The following COL3A1 variants were observed in gnomAD, a reference collection of about 807,000 sequenced individuals.
COL3A1 encodes collagen type III alpha 1 chain.
A neutral mutation model predicts 200.9 loss-of-function variants in COL3A1; 46 were observed. The ratio of observed to expected loss-of-function variants is 0.23; its 90% confidence interval spans 0.18 to 0.29. The LOEUF (loss-of-function observed/expected upper bound fraction) is 0.29, where lower values mean the gene tolerates loss of function less well. COL3A1 is among the 10% of genes least tolerant of loss of function. The pLI is 1.00. For missense variants in COL3A1, 1,367 were observed against 1,917.6 expected, an observed-to-expected ratio of 0.71 and a Z score of 5.36; for synonymous variants, 650 against 628.0, an observed-to-expected ratio of 1.03 and a Z score of -0.52.
At chr2:188,989,714 C>T (rs1688145893) in intron 8 of COL3A1, among the ~76,000 whole-genome samples, 1 of 152,108 alleles carries the variant, frequency 6.6e-6, no homozygotes, top group Non-Finnish European at 1.5e-5. Flanking sequence ...TATTATTTAA[C>T]TGGAGGAGAA....
intron 28 of COL3A1, 116 bp from the exon 29 acceptor site, chr2:188,998,558 C>T: frequency 3.5e-6 from 4 of 1,138,672 alleles, no homozygotes; most frequent in Middle Eastern, 4.8e-4. Flanking sequence ...AGTATGCCAA[C>T]ATGACAAATG....
rs1688692678 is a variant in COL3A1 at position 189,010,294 on chromosome 2, C to T, written c.3940C>T (p.His1314Tyr). ...SANPLNVPRK[H>Y]WWTDSSAEKK... ...CAATCCTTTGAATGTTCCACGGAAA[C>T]ACTGGTGGACAGATTCTAGTGCTGA... is the stretch of plus-strand genomic sequence containing the variant. Residue 1314 changes from histidine (H) to tyrosine (Y), a missense_variant, in exon 49 of 51, where the codon CAC (histidine) becomes TAC (tyrosine). Transcript: ENST00000304636. The T allele has an allele frequency of 2.5e-6, 4 of 1,614,174 alleles. No individual in the cohort carries two copies. Among genetic ancestry groups the T allele is most frequent in the East Asian group, 2.2e-5 (1 of 44,868 alleles).
rs1576473597 is a variant in COL3A1 at position 189,009,181 on chromosome 2, C to T, written c.3783C>T (p.Asn1261=). The T allele has an allele frequency of 6.2e-7, 1 of 1,614,182 alleles. No individual in the cohort carries two copies. Among genetic ancestry groups the T allele is most frequent in the African/African-American group, 1.3e-5 (1 of 75,050 alleles). The change falls in exon 48 of 51, where the codon AAC becomes AAT. Residue 1261 remains asparagine, a synonymous_variant. Transcript: ENST00000304636. Reference sequence around the variant, plus strand: ...GTTCTCGTAAAAACCCCGCTAGAAACTGCAGAGACCTGAAATTCTGCCATC... The same window carrying T: ...GTTCTCGTAAAAACCCCGCTAGAAATTGCAGAGACCTGAAATTCTGCCATC... The part of the protein sequence containing the change: ...PDGSRKNPAR[N]CRDLKFCHPE...
At chr2:188,980,378 AC>A (rs1687925554) in intron 1 of COL3A1, among the ~76,000 whole-genome samples, 1 of 35,468 alleles carries the variant, frequency 2.8e-5, no homozygotes. Flanking sequence ...AATCTTTTAG[AC>A]AATTCTAAAA....
At position 188,994,167 on chromosome 2, in the gene COL3A1, T is replaced by G; in HGVS notation, c.1195-67T>G. On this transcript the variant is annotated intron_variant, in intron 17 of 50. Coordinates refer to ENST00000304636, the MANE Select transcript of COL3A1 (RefSeq NM_000090.4). The surrounding 1 kb of genome is among the most constrained non-coding windows in gnomAD (Gnocchi z 4.5). The stretch of plus-strand genomic sequence containing the variant: ...TTTGCATGACAATAGATTTGTGATA[T>G]TTAAGTGAGATATTCATAAAAGAAC... 2 of 1,610,854 alleles carry G rather than the reference T, an allele frequency of 1.2e-6. No individual in the cohort carries two copies. Among genetic ancestry groups the G allele is most frequent in the Non-Finnish European group, 1.7e-6 (2 of 1,176,976 alleles).
At position 188,994,529 on chromosome 2, in the gene COL3A1, G is replaced by GTTATACT. The variant is rs1688258466; in HGVS notation, c.1294-8_1294-2dup. On this transcript the variant is annotated splice_polypyrimidine_tract_variant and intron_variant, in intron 18 of 50. Transcript: ENST00000304636. The surrounding 1 kb of genome is among the most constrained non-coding windows in gnomAD (Gnocchi z 4.5). ...CTCCCTGTGTTTCAACCAAGACTTT[G>GTTATACT]TTATACTTTAGGGTGAGCCTGGTAA... 1.9e-6 allele frequency: 3 copies of GTTATACT among 1,613,954 alleles called. No homozygotes were observed. Among genetic ancestry groups the GTTATACT allele is most frequent in the Non-Finnish European group, 2.5e-6 (3 of 1,179,998 alleles).
At chr2:189,009,816 GA>G (rs1245126971) in intron 48 of COL3A1, among the ~76,000 whole-genome samples, 1 of 152,084 alleles carries the variant, frequency 6.6e-6, no homozygotes, top group Non-Finnish European at 1.5e-5. Flanking sequence ...TTCAGCTTTA[GA>G]ACTATTGGAA....
chr2:189,008,674 T>C (rs1688650222), intron 47 of COL3A1: 2 of 563,042 alleles, frequency 3.6e-6, no homozygotes, highest in South Asian at 2.1e-5. Context: ...GGAAGAATGA[T>C]AGAGAAAACT....
intron 1 of COL3A1, among the ~76,000 whole-genome samples, chr2:188,981,399 C>G (rs911985635): frequency 6.6e-6 from 1 of 151,110 alleles, no homozygotes; most frequent in South Asian, 2.1e-4. Context: ...TAGTAAGGAA[C>G]AGAAACACCA....
Position 188,988,606 on chromosome 2 carries a change from A to C in COL3A1, c.599A>C (p.Gln200Pro), listed in dbSNP as rs780921226. ...HPGSPGSPGYQGPPGEPGQAG... is the reference protein window; with the variant it reads ...HPGSPGSPGYPGPPGEPGQAG... ...ACTCACTAGGGATCTCCAGGATACC[A>C]AGGACCCCCTGGTGAACCTGGGCAA... Residue 200 changes from glutamine to proline, a missense_variant, in exon 7 of 51, where the codon CAA (glutamine) becomes CCA (proline). This residue lies in a region of COL3A1 where 462 missense variants were observed against 681.4 expected (regional missense o/e 0.68). Coordinates refer to ENST00000304636, the MANE Select transcript of COL3A1 (RefSeq NM_000090.4). 6.2e-6 allele frequency: 10 copies of C among 1,607,606 alleles called. No homozygotes were observed. The Admixed American group carries it at 1.7e-4, about 27-fold the overall frequency.
Position 188,997,428 on chromosome 2 carries a change from T to C in COL3A1, c.1869+39T>C, listed in dbSNP as rs1576467204. 6 of 1,581,468 alleles carry C rather than the reference T, an allele frequency of 3.8e-6. No individual in the cohort carries two copies. The East Asian group carries it at 8.9e-5, about 24-fold the overall frequency. On this transcript the variant is annotated intron_variant, in intron 26 of 50. Coordinates refer to ENST00000304636, the MANE Select transcript of COL3A1 (RefSeq NM_000090.4). ...TATAAAATTGGAGATGAAAATAGGG[T>C]GGAGGTGGGGCAGGAAGAATGCTTC...
In COL3A1 at chr2:188,994,441, C is replaced by G; in HGVS notation, c.1294-100C>G. On this transcript the variant is annotated intron_variant, in intron 18 of 50. Transcript: ENST00000304636. The surrounding 1 kb of genome is among the most constrained non-coding windows in gnomAD (Gnocchi z 4.5). ...TGTTCAGTTGAATTTATATTGACTT[C>G]ACTCTTGTCTTATAACTTATAACTG... 1 of 1,562,350 alleles carries G rather than the reference C, an allele frequency of 6.4e-7. No individual in the cohort carries two copies. The highest frequency in any genetic ancestry group is 1.1e-5 in the South Asian group (1 of 89,636).
At chr2:188,992,270 A>T in intron 14 of COL3A1, 42 bp downstream of exon 14, 1 of 1,572,556 alleles carries the variant, frequency 6.4e-7, no homozygotes, top group East Asian at 2.2e-5. Flanking sequence ...GGGTAATGAG[A>T]AGTTATGGAT....
Position 188,994,440 on chromosome 2 carries a change from T to C in COL3A1, c.1294-101T>C. 1 of 1,564,474 alleles carries C rather than the reference T, an allele frequency of 6.4e-7. No individual in the cohort carries two copies. The highest frequency in any genetic ancestry group is 8.8e-7 in the Non-Finnish European group (1 of 1,136,524). On this transcript the variant is annotated intron_variant, in intron 18 of 50. Coordinates refer to ENST00000304636, the MANE Select transcript of COL3A1 (RefSeq NM_000090.4). The surrounding 1 kb of genome is among the most constrained non-coding windows in gnomAD (Gnocchi z 4.5). ...CTGTTCAGTTGAATTTATATTGACTTCACTCTTGTCTTATAACTTATAACT... is the reference window on the plus strand; with the variant it reads ...CTGTTCAGTTGAATTTATATTGACTCCACTCTTGTCTTATAACTTATAACT...
chr2:188,998,494 T>C (rs1332386865), intron 28 of COL3A1, among the ~76,000 whole-genome samples, 175 bp downstream of exon 28: 1 of 152,244 alleles, frequency 6.6e-6, no homozygotes, highest in Non-Finnish European at 1.5e-5. Flanking sequence ...ATATAGAGTT[T>C]GAATTTTACC....
chr2:189,007,161 T>TGATAGATAGATA (rs60243485), intron 44 of COL3A1, among the ~76,000 whole-genome samples, 171 bp downstream of exon 44: 31 of 116,326 alleles, frequency 2.7e-4, no homozygotes, highest in South Asian at 9.0e-4. Context: ...TATAGATAGA[T>TGATAGATAGATA]GATAGATAGA....
At chr2:188,985,483 A>G (rs977920293) in intron 3 of COL3A1, among the ~76,000 whole-genome samples, 182 bp from the exon 4 acceptor site, 3 of 152,056 alleles carry the variant, frequency 2.0e-5, no homozygotes, top group Admixed American at 1.3e-4. Context: ...GTAGGTCAAT[A>G]TACAAAGGAA....
chr2:188,988,708 C>A (rs1208279620), intron 7 of COL3A1, 65 bp downstream of exon 7: 4 of 1,116,834 alleles, frequency 3.6e-6, no homozygotes, highest in East Asian at 2.4e-5. Flanking sequence ...CCTTTGTTTT[C>A]TAAAACAAGT....
chr2:188,976,274 A>G lies in COL3A1; in HGVS notation c.79+1706A>G, dbSNP rs577407835. ...AGCACTGTGGCTATTTTTCTTCCCAATCCAACTTTAGTGGGGGGGTGTTTG... is the reference window on the plus strand; with the variant it reads ...AGCACTGTGGCTATTTTTCTTCCCAGTCCAACTTTAGTGGGGGGGTGTTTG... On this transcript the variant is annotated intron_variant, in intron 1 of 50. Coordinates refer to ENST00000304636, the MANE Select transcript of COL3A1 (RefSeq NM_000090.4). Among the ~76,000 whole-genome samples the G allele has an allele frequency of 2.0e-5, 3 of 151,432 alleles. No homozygotes were observed. In the East Asian group the frequency reaches 5.8e-4, roughly 29 times the overall value.
Sources: allele counts gnomAD v4.1 joint callset (sites outside exome capture counted in the v4.1 genomes callset), GRCh38; gene constraint gnomAD v4.1.1; regional missense constraint gnomAD v4.1.1; non-coding constraint Gnocchi (gnomAD v3.1); transcripts MANE v1.5; gene names NCBI Gene and HGNC (gene_info 2026-07-23, HGNC 2026-07-21).